The following PTPRN2 variants were observed in gnomAD, a reference collection of about 807,000 sequenced individuals.
PTPRN2 encodes receptor-type tyrosine-protein phosphatase N2.
Under a neutral mutation model 118.8 loss-of-function variants are expected in PTPRN2, and 74 were observed. The observed-to-expected ratio is 0.62, with a 90% CI of 0.52 to 0.76. The LOEUF is 0.76. Ranked by LOEUF, PTPRN2 falls within the 30% of genes least tolerant of loss-of-function variation. PTPRN2 has a pLI of 0.00. For missense variants in PTPRN2, 1,481 were observed against 1,394.4 expected (o/e 1.06, Z -0.99); for synonymous variants, 641 against 608.0 (o/e 1.05, Z -0.80).
rs116853255 is a variant in PTPRN2, at chr7:157,791,653, G to A, written c.1788+107020C>T. ...TGGGGCTTCATCCACACGTCTCCTA[G>A]TCACCCTCTCGACCAAGAGCATCCT... is the stretch of plus-strand genomic sequence containing the variant. On this transcript the variant is annotated intron_variant, in intron 12 of 22. Coordinates refer to ENST00000389418, the MANE Select transcript of PTPRN2 (RefSeq NM_002847.5). Among the ~76,000 whole-genome samples the A allele has an allele frequency of 7.3e-3, 1,108 of 151,894 alleles. 3 individuals are homozygous for A. Among genetic ancestry groups the A allele is most frequent in the Middle Eastern group, 0.027 (8 of 294 alleles).
At chr7:158,585,217 T>G (rs1458352302) in intron 1 of PTPRN2, among the ~76,000 whole-genome samples, 1 of 152,184 alleles carries the variant, frequency 6.6e-6, no homozygotes, top group African/African-American at 2.4e-5. Flanking sequence ...GATTGTGTTC[T>G]GACAAAATGG....
At chr7:157,600,158 T>C (rs71538030) in intron 16 of PTPRN2, among the ~76,000 whole-genome samples, 319 of 30,384 alleles carry the variant, frequency 0.01, 2 homozygotes, top group African/African-American at 0.017. Flanking sequence ...TCCACCTGCC[T>C]ACCTCTCCAC....
chr7:157,959,813 C>T (rs536988863), intron 11 of PTPRN2, among the ~76,000 whole-genome samples: 2 of 152,216 alleles, frequency 1.3e-5, no homozygotes, highest in East Asian at 3.9e-4. Flanking sequence ...ACCATTTGAC[C>T]CCACAATTCC....
At chr7:158,388,382 C>T (rs943379796) in intron 2 of PTPRN2, among the ~76,000 whole-genome samples, 4 of 152,192 alleles carry the variant, frequency 2.6e-5, no homozygotes, top group Non-Finnish European at 4.4e-5. Context: ...TCCCAGCCAG[C>T]GACAAACTCG....
chr7:157,992,118 T>C (rs923712443), intron 11 of PTPRN2, among the ~76,000 whole-genome samples: 19 of 152,274 alleles, frequency 1.2e-4, no homozygotes, highest in African/African-American at 4.6e-4. Context: ...GCACTCAGTA[T>C]GTTTTTAAAG....
At position 158,510,164 on chromosome 7, in the gene PTPRN2, G is replaced by A. The variant is rs11980065; in HGVS notation, c.113-20379C>T. On this transcript the variant is annotated intron_variant, in intron 1 of 22. Coordinates refer to ENST00000389418, the MANE Select transcript of PTPRN2 (RefSeq NM_002847.5). Reference sequence around the variant, plus strand: ...CCCTAAACCTGTTTCCTGGTGTGCGGGGACACATTTAGCTGGGCCCGGTTC... The same window carrying A: ...CCCTAAACCTGTTTCCTGGTGTGCGAGGACACATTTAGCTGGGCCCGGTTC... 9.1e-3 allele frequency among the ~76,000 whole-genome samples: 1,388 copies of A among 152,252 alleles called. 23 individuals carry two copies. Among genetic ancestry groups the A allele is most frequent in the African/African-American group, 0.031 (1,276 of 41,544 alleles).
intron 2 of PTPRN2, among the ~76,000 whole-genome samples, chr7:158,347,174 C>A (rs952888803): frequency 1.3e-5 from 2 of 152,020 alleles, no homozygotes; most frequent in Non-Finnish European, 2.9e-5. Context: ...AAATTGTTGC[C>A]CAGGATAATG....
intron 3 of PTPRN2, among the ~76,000 whole-genome samples, chr7:158,298,454 A>G (rs1800646943): frequency 6.6e-6 from 1 of 152,248 alleles, no homozygotes; most frequent in African/African-American, 2.4e-5. Flanking sequence ...TCTTGGGGAC[A>G]GGACCCAAGT....
chr7:158,127,747 T>A (rs1817817439), intron 9 of PTPRN2, among the ~76,000 whole-genome samples: 1 of 152,110 alleles, frequency 6.6e-6, no homozygotes, highest in Non-Finnish European at 1.5e-5. Flanking sequence ...TGCCTCTGGA[T>A]TTAGAAGGCA....
intron 6 of PTPRN2, among the ~76,000 whole-genome samples, chr7:158,163,470 G>A (rs557387676): frequency 1.7e-4 from 25 of 146,214 alleles, no homozygotes; most frequent in South Asian, 1.1e-3. Flanking sequence ...TATTCTCTGC[G>A]TGTTTTGTAG....
chr7:157,561,651 G>A (rs181444545), intron 21 of PTPRN2, among the ~76,000 whole-genome samples: 3 of 152,224 alleles, frequency 2.0e-5, no homozygotes, highest in Non-Finnish European at 4.4e-5. Context: ...TGGTCAGAAC[G>A]GAGGGCCCCT....
chr7:158,390,447 C>A (rs1402500071), intron 2 of PTPRN2, among the ~76,000 whole-genome samples: 2 of 152,224 alleles, frequency 1.3e-5, no homozygotes, highest in African/African-American at 4.8e-5. Flanking sequence ...GTGAGACCTG[C>A]GGAGTCTCTG....
Position 158,136,821 on chromosome 7 carries a change from A to C in PTPRN2, c.1133-126T>G, listed in dbSNP as rs1818865616. ...GGTGAGGTGTGATGACGCTGGCCTA[A>C]GTCCTGCCATAGAGTAAACCTTTTC... On this transcript the variant is annotated intron_variant, in intron 7 of 22. Coordinates refer to ENST00000389418, the MANE Select transcript of PTPRN2 (RefSeq NM_002847.5). 6 of 856,990 alleles carry C rather than the reference A, an allele frequency of 7.0e-6. No individual in the cohort carries two copies. In the South Asian group the frequency reaches 8.8e-5, roughly 13 times the overall value. The allele number at this position is 856,990 out of a possible 1,614,324, so 53.1% of individuals were successfully genotyped here.
intron 12 of PTPRN2, among the ~76,000 whole-genome samples, chr7:157,894,606 T>C (rs1225079445): frequency 6.9e-6 from 1 of 143,922 alleles, no homozygotes; most frequent in African/African-American, 2.6e-5. Context: ...AGCTGGGGTG[T>C]GAGTTCCTGT....
chr7:157,642,220 A>C (rs1804715335), intron 14 of PTPRN2, among the ~76,000 whole-genome samples: 1 of 152,210 alleles, frequency 6.6e-6, no homozygotes, highest in Non-Finnish European at 1.5e-5. Flanking sequence ...TAGGAGCCAG[A>C]CTGCTGGCCT....
At chr7:158,032,112 G>A (rs1279723719) in intron 11 of PTPRN2, among the ~76,000 whole-genome samples, 4 of 152,176 alleles carry the variant, frequency 2.6e-5, no homozygotes, top group East Asian at 1.9e-4. Flanking sequence ...TGGAGTCTTC[G>A]GCTTCCCTTT....
chr7:157,917,048 A>G (rs891560012), intron 11 of PTPRN2, among the ~76,000 whole-genome samples: 1 of 143,200 alleles, frequency 7.0e-6, no homozygotes, highest in African/African-American at 2.6e-5. Flanking sequence ...CCCCAGCTGA[A>G]GGTCCCCACC....
At chr7:157,910,765 G>A (rs1798061534) in intron 11 of PTPRN2, among the ~76,000 whole-genome samples, 1 of 152,260 alleles carries the variant, frequency 6.6e-6, no homozygotes, top group Admixed American at 6.5e-5. Context: ...AGCAGACAGA[G>A]CACGTTCCTG....
intron 5 of PTPRN2, among the ~76,000 whole-genome samples, chr7:158,187,999 G>C (rs1325492986): frequency 6.6e-6 from 1 of 152,178 alleles, no homozygotes; most frequent in Non-Finnish European, 1.5e-5. Flanking sequence ...GAGCAGGCAA[G>C]ATGGGGGCAG....
Sources: allele counts gnomAD v4.1 joint callset (sites outside exome capture counted in the v4.1 genomes callset), GRCh38; gene constraint gnomAD v4.1.1; transcripts MANE v1.5; gene names NCBI Gene and HGNC (gene_info 2026-07-23, HGNC 2026-07-21).